LUZP2: variants seen among roughly 807,000 people sequenced by gnomAD.
LUZP2 encodes the protein leucine zipper protein 2.
Under a neutral mutation model 51.6 loss-of-function variants are expected in LUZP2, and 52 were observed. That is an observed-to-expected ratio of 1.01 (90% CI 0.81 to 1.27). The LOEUF (loss-of-function observed/expected upper bound fraction) is 1.27. LUZP2 is among the 50% of genes most tolerant of loss of function. The pLI is 0.00. For missense variants in LUZP2, 436 were observed against 395.4 expected (o/e 1.10, Z -0.87); for synonymous variants, 154 against 137.3 (o/e 1.12, Z -0.85).
At chr11:24,750,907 A>G (rs1399960731) in intron 4 of LUZP2, among the ~76,000 whole-genome samples, 2 of 152,162 alleles carry the variant, frequency 1.3e-5, no homozygotes, top group Non-Finnish European at 2.9e-5. Context: ...CCTCTAATCT[A>G]TTTTTAAATG....
chr11:24,905,727 C>A (rs1853429896), intron 5 of LUZP2, among the ~76,000 whole-genome samples: 1 of 151,934 alleles, frequency 6.6e-6, no homozygotes, highest in African/African-American at 2.4e-5. Flanking sequence ...GAAATCATAT[C>A]AATTATCTTT....
chr11:24,501,073 G>A (rs373341088), intron 1 of LUZP2, among the ~76,000 whole-genome samples: 2 of 152,232 alleles, frequency 1.3e-5, no homozygotes, highest in East Asian at 1.9e-4. Context: ...GGCAACATGG[G>A]TTTGCTTCCT....
Position 24,582,290 on chromosome 11 carries a change from C to A in LUZP2, c.62+84985C>A, listed in dbSNP as rs139373688. Among the ~76,000 whole-genome samples the A allele has an allele frequency of 3.7e-4, 52 of 139,340 alleles. 1 individual carries two copies. In the East Asian group the frequency reaches 9.3e-3, roughly 25 times the overall value. The allele number at this position is 139,340 out of a possible 152,430, so 91.4% of individuals were successfully genotyped here. A position where few individuals can be genotyped will look rare whatever the true frequency, so the allele number is the denominator to read the frequency against. On this transcript the variant is annotated intron_variant, in intron 1 of 11. Coordinates refer to ENST00000336930, the MANE Select transcript of LUZP2 (RefSeq NM_001009909.4). ...TAAAAGGAGTGTGGCTCTCTGTAAT[C>A]CCTAGCTGATTTTTTTTTTTTTTTT... is the stretch of plus-strand genomic sequence containing the variant.
chr11:24,592,634 A>G (rs1444783225), intron 1 of LUZP2, among the ~76,000 whole-genome samples: 1 of 151,718 alleles, frequency 6.6e-6, no homozygotes, highest in Non-Finnish European at 1.5e-5. Flanking sequence ...TGTGAGATCC[A>G]TTATGCAGCA....
At chr11:24,874,002 G>T (rs955218803) in intron 5 of LUZP2, among the ~76,000 whole-genome samples, 3 of 152,064 alleles carry the variant, frequency 2.0e-5, no homozygotes, top group African/African-American at 4.8e-5. Context: ...CAACCATCCT[G>T]CAGATACTGT....
At chr11:24,531,266 CTTTTA>C (rs1162683057) in intron 1 of LUZP2, among the ~76,000 whole-genome samples, 1 of 150,376 alleles carries the variant, frequency 6.6e-6, no homozygotes, top group Non-Finnish European at 1.5e-5. Context: ...AAGTATGTCA[CTTTTA>C]TTTTAATTTT....
intron 1 of LUZP2, among the ~76,000 whole-genome samples, chr11:24,639,475 G>A (rs1855210129): frequency 1.3e-5 from 2 of 151,572 alleles, no homozygotes; most frequent in Non-Finnish European, 2.9e-5. Flanking sequence ...TTTTGAGACG[G>A]AGTTTCACTC....
intron 9 of LUZP2, among the ~76,000 whole-genome samples, chr11:25,029,397 T>A: frequency 6.6e-6 from 1 of 151,748 alleles, no homozygotes; most frequent in Non-Finnish European, 1.5e-5. Flanking sequence ...TTAGAAGAAA[T>A]AAAAAACAAT....
chr11:24,675,424 CT>C (rs1856511789), intron 1 of LUZP2, among the ~76,000 whole-genome samples: 1 of 152,128 alleles, frequency 6.6e-6, no homozygotes, highest in Non-Finnish European at 1.5e-5. Flanking sequence ...CAAATTTTTG[CT>C]TATTTGTTAA....
intron 5 of LUZP2, among the ~76,000 whole-genome samples, chr11:24,801,839 T>G (rs1849705339): frequency 6.6e-6 from 1 of 151,194 alleles, no homozygotes. Context: ...ACTTAATAGC[T>G]GTCCCAATTT....
chr11:24,515,914 G>GT (rs979290022), intron 1 of LUZP2, among the ~76,000 whole-genome samples: 6 of 151,800 alleles, frequency 4.0e-5, no homozygotes, highest in Non-Finnish European at 8.8e-5. Context: ...GTCCTGTCAT[G>GT]TTTTTTTTCT....
At chr11:24,946,079 T>C (rs1200666233) in intron 7 of LUZP2, among the ~76,000 whole-genome samples, 2 of 152,066 alleles carry the variant, frequency 1.3e-5, no homozygotes, top group Non-Finnish European at 2.9e-5. Context: ...TATTGGTATT[T>C]TGTGACTAGC....
chr11:24,682,275 A>ACCCAC (rs1421026477), intron 1 of LUZP2, among the ~76,000 whole-genome samples: 19 of 152,130 alleles, frequency 1.2e-4, no homozygotes, highest in Middle Eastern at 3.4e-3. Flanking sequence ...TGGGCAAATC[A>ACCCAC]CTTGAGGACA....
intron 1 of LUZP2, among the ~76,000 whole-genome samples, chr11:24,634,297 A>T (rs1854997577): frequency 6.6e-6 from 1 of 152,076 alleles, no homozygotes; most frequent in Non-Finnish European, 1.5e-5. Flanking sequence ...ATTCCATATT[A>T]CAAGGGTGGT....
At chr11:24,829,013 G>T (rs1018308997) in intron 5 of LUZP2, among the ~76,000 whole-genome samples, 4 of 152,102 alleles carry the variant, frequency 2.6e-5, no homozygotes, top group Non-Finnish European at 5.9e-5. Context: ...TTTTTCAAAT[G>T]GAGGCATTGG....
Position 24,964,279 on chromosome 11 carries a change from A to G in LUZP2, c.523-12312A>G, listed in dbSNP as rs1855516379. ...ACCTGCTACATGCTGGTAATTACAT[A>G]ATGGTGGTGATTGTTTTATATAATC... On this transcript the variant is annotated intron_variant, in intron 7 of 11. Transcript: ENST00000336930. Among the ~76,000 whole-genome samples the G allele has an allele frequency of 2.6e-5, 4 of 152,288 alleles. No homozygotes were observed. The South Asian group carries it at 8.3e-4, about 32-fold the overall frequency.
At chr11:24,833,798 T>A (rs1423858623) in intron 5 of LUZP2, among the ~76,000 whole-genome samples, 1 of 151,906 alleles carries the variant, frequency 6.6e-6, no homozygotes, top group Non-Finnish European at 1.5e-5. Flanking sequence ...TGTAAGCATT[T>A]AATGTATTCA....
At chr11:25,022,265 G>A (rs184868971) in intron 9 of LUZP2, among the ~76,000 whole-genome samples, 69 of 152,066 alleles carry the variant, frequency 4.5e-4, no homozygotes, top group Non-Finnish European at 8.5e-4. Context: ...CTTTATGAAA[G>A]TACCTCTTTT....
chr11:25,002,438 T>A (rs1048573265), intron 9 of LUZP2, among the ~76,000 whole-genome samples: 1 of 152,194 alleles, frequency 6.6e-6, no homozygotes, highest in East Asian at 1.9e-4. Context: ...CATTGACATA[T>A]GTATTTGAAG....
Sources: gnomAD v4.1 joint callset for allele counts (sites outside exome capture counted in the v4.1 genomes callset) on GRCh38, gnomAD v4.1.1 for gene constraint, MANE v1.5 for transcripts, NCBI Gene and HGNC (gene_info 2026-07-23, HGNC 2026-07-21) for gene names.